KCNH7: variants seen among roughly 807,000 people sequenced by gnomAD.
KCNH7 encodes potassium voltage-gated channel subfamily H member 7, also known as voltage-gated inwardly rectifying potassium channel KCNH7.
A neutral mutation model predicts 120.8 loss-of-function variants in KCNH7; 49 were observed. The ratio of observed to expected loss-of-function variants is 0.41; its 90% CI spans 0.32 to 0.51. The LOEUF (loss-of-function observed/expected upper bound fraction) is 0.51, where lower values mean the gene tolerates loss of function less well. KCNH7 is among the 20% of genes least tolerant of loss of function. The pLI, the probability that KCNH7 is intolerant of heterozygous loss-of-function variation, is 0.38. For synonymous variants in KCNH7, 547 were observed against 516.1 expected (o/e 1.06, Z -0.81); for missense variants, 1,097 against 1,446.6 (o/e 0.76, Z 3.92).
At chr2:162,494,341 G>T (rs182471823) in intron 6 of KCNH7, among the ~76,000 whole-genome samples, 4 of 151,978 alleles carry the variant, frequency 2.6e-5, no homozygotes, top group Non-Finnish European at 5.9e-5. Flanking sequence ...CTTTTGGTAG[G>T]CTTCACAAAA....
Position 162,649,700 on chromosome 2 carries a change from GAGGGAGAGAGAGAAAGTGGAATTTTC to G in KCNH7, c.308-112646_308-112621del, listed in dbSNP as rs1684499903. Among the ~76,000 whole-genome samples the G allele has an allele frequency of 1.7e-4, 26 of 152,250 alleles. No homozygotes were observed. The South Asian group carries it at 5.4e-3, about 32-fold the overall frequency. On this transcript the variant is annotated intron_variant, in intron 2 of 15. Coordinates refer to ENST00000332142, the MANE Select transcript of KCNH7 (RefSeq NM_033272.4). ...TGTATACTGGTACCAGAGAGAGAGA[GAGGGAGAGAGAGAAAGTGGAATTTTC>G]AGAGGTTATTTTCAACTCAGAACAT... is the stretch of plus-strand genomic sequence containing the variant.
chr2:162,644,337 G>A lies in KCNH7; in HGVS notation c.308-107257C>T, dbSNP rs891642456. ...TTTTTTTTTTAATAAAGTTGTCCAC[G>A]TAAAATAGTTAAAAGTGACTAATGA... On this transcript the variant is annotated intron_variant, in intron 2 of 15. Coordinates refer to ENST00000332142, the MANE Select transcript of KCNH7 (RefSeq NM_033272.4). Among the ~76,000 whole-genome samples, 12 of 151,776 alleles carry A rather than the reference G, an allele frequency of 7.9e-5. No homozygotes were observed. The East Asian group carries it at 1.7e-3, about 22-fold the overall frequency.
intron 2 of KCNH7, among the ~76,000 whole-genome samples, chr2:162,677,487 G>C (rs185741019): frequency 6.6e-6 from 1 of 151,422 alleles, no homozygotes; most frequent in East Asian, 1.9e-4. Context: ...ACATTTGAGA[G>C]AGCCATCAAT....
chr2:162,460,127 A>G (rs1194059719), intron 6 of KCNH7, among the ~76,000 whole-genome samples: 5 of 151,042 alleles, frequency 3.3e-5, no homozygotes, highest in Admixed American at 3.3e-4. Flanking sequence ...AAAGAAACAG[A>G]TATGCTAAGG....
Position 162,786,766 on chromosome 2 carries a change from A to T in KCNH7, c.307+49771T>A, listed in dbSNP as rs149754279. Among the ~76,000 whole-genome samples, 868 of 152,336 alleles carry T rather than the reference A, an allele frequency of 5.7e-3. 2 individuals carry two copies. Among genetic ancestry groups the T allele is most frequent in the Middle Eastern group, 0.01 (3 of 294 alleles). ...TTTAAGCTGCATGATTTAAAAATAA[A>T]TAAATAAGAAGAGGGGTATCATCAG... On this transcript the variant is annotated intron_variant, in intron 2 of 15. Transcript: ENST00000332142.
At chr2:162,670,736 A>G (rs1161105191) in intron 2 of KCNH7, among the ~76,000 whole-genome samples, 2 of 152,078 alleles carry the variant, frequency 1.3e-5, no homozygotes, top group Non-Finnish European at 2.9e-5. Flanking sequence ...TAAGACCAAA[A>G]AAAACCCTAA....
At chr2:162,578,717 G>A (rs955413083) in intron 2 of KCNH7, among the ~76,000 whole-genome samples, 9 of 152,014 alleles carry the variant, frequency 5.9e-5, no homozygotes, top group Admixed American at 5.9e-4. Context: ...CTGAAGTTTT[G>A]GGTATATCCA....
intron 6 of KCNH7, among the ~76,000 whole-genome samples, chr2:162,459,345 A>T (rs1265757541): frequency 6.6e-6 from 1 of 152,186 alleles, no homozygotes; most frequent in African/African-American, 2.4e-5. Context: ...TAGGAAATTC[A>T]CAAGAGAAAA....
chr2:162,812,039 A>ATGTGAGTGTACAGCACACGTG (rs1684749242), intron 2 of KCNH7, among the ~76,000 whole-genome samples: 1 of 152,210 alleles, frequency 6.6e-6, no homozygotes, highest in Non-Finnish European at 1.5e-5. Flanking sequence ...TGTTTAAATT[A>ATGTGAGTGTACAGCACACGTG]TGTGAGTGTA....
At chr2:162,729,389 T>G (rs1207170365) in intron 2 of KCNH7, among the ~76,000 whole-genome samples, 1 of 151,484 alleles carries the variant, frequency 6.6e-6, no homozygotes, top group African/African-American at 2.4e-5. Context: ...TCAAGTAATA[T>G]ATGTCCCCCA....
rs1195398656 is a variant in KCNH7 at position 162,387,507 on chromosome 2, A to T, written c.2711-2568T>A. ...TACTTTTTTTTTCTTAATTCTATTTATATTCTATGTAGAAATAATATTCTA... is the reference window on the plus strand; with the variant it reads ...TACTTTTTTTTTCTTAATTCTATTTTTATTCTATGTAGAAATAATATTCTA... On this transcript the variant is annotated intron_variant, in intron 12 of 15. Transcript: ENST00000332142. 4.0e-5 allele frequency among the ~76,000 whole-genome samples: 6 copies of T among 151,130 alleles called. No individual in the cohort carries two copies. The South Asian group carries it at 1.0e-3, about 26-fold the overall frequency.
intron 2 of KCNH7, among the ~76,000 whole-genome samples, chr2:162,643,176 C>A (rs1002158105): frequency 3.9e-5 from 6 of 152,010 alleles, no homozygotes; most frequent in African/African-American, 1.4e-4. Flanking sequence ...TCAAATAATG[C>A]TAAGGCTGTT....
intron 8 of KCNH7, among the ~76,000 whole-genome samples, chr2:162,428,728 GC>G (rs1687950037): frequency 6.6e-6 from 1 of 151,804 alleles, no homozygotes; most frequent in Admixed American, 6.6e-5. Context: ...GTAATTGAGT[GC>G]ATACACATTT....
intron 5 of KCNH7, among the ~76,000 whole-genome samples, chr2:162,511,230 G>A (rs1430459700): frequency 2.0e-5 from 3 of 151,640 alleles, no homozygotes; most frequent in Non-Finnish European, 4.4e-5. Context: ...TGAACTAGTA[G>A]TTTGAAAGTT....
At chr2:162,569,764 T>A (rs1175656238) in intron 2 of KCNH7, among the ~76,000 whole-genome samples, 2 of 151,028 alleles carry the variant, frequency 1.3e-5, no homozygotes, top group African/African-American at 4.9e-5. Context: ...AACATCTTTA[T>A]TTCTGCCTTC....
intron 2 of KCNH7, among the ~76,000 whole-genome samples, chr2:162,754,290 AG>A (rs1688712038): frequency 6.6e-6 from 1 of 152,152 alleles, no homozygotes; most frequent in African/African-American, 2.4e-5. Flanking sequence ...AAATGAGAAA[AG>A]GAAAAATGGA....
intron 15 of KCNH7, among the ~76,000 whole-genome samples, chr2:162,373,184 T>C (rs1686026944): frequency 6.6e-6 from 1 of 152,162 alleles, no homozygotes; most frequent in Non-Finnish European, 1.5e-5. Context: ...CATGTAAATT[T>C]AAGCAGGTTG....
At chr2:162,560,551 C>T (rs548094778) in intron 2 of KCNH7, among the ~76,000 whole-genome samples, 1 of 152,104 alleles carries the variant, frequency 6.6e-6, no homozygotes, top group Non-Finnish European at 1.5e-5. Context: ...GTATCATGCC[C>T]AATTCTGTGT....
intron 9 of KCNH7, among the ~76,000 whole-genome samples, chr2:162,418,853 T>G (rs948331155): frequency 6.6e-6 from 1 of 152,154 alleles, no homozygotes; most frequent in Non-Finnish European, 1.5e-5. Context: ...TTCTTTATTA[T>G]TCTCTGTTCC....
Sources: allele counts gnomAD v4.1 joint callset (sites outside exome capture counted in the v4.1 genomes callset), GRCh38; gene constraint gnomAD v4.1.1; transcripts MANE v1.5; gene names NCBI Gene and HGNC (gene_info 2026-07-23, HGNC 2026-07-21).